NADK: variants seen among roughly 807,000 people sequenced by gnomAD.
NADK encodes NAD kinase, also known as poly(P)/ATP NAD kinase.
In NADK, 22 loss-of-function variants were observed where a neutral mutation model predicts 49.8. That is an observed-to-expected ratio of 0.44 (90% CI 0.32 to 0.63). The LOEUF (loss-of-function observed/expected upper bound fraction) is 0.63. NADK is among the 30% of genes least tolerant of loss of function. NADK has a pLI of 0.06. For synonymous variants in NADK, 268 were observed against 253.7 expected (o/e 1.06, Z -0.54); for missense variants, 438 against 609.4 (o/e 0.72, Z 2.96).
chr1:1,764,679 A>G (rs1645830050), intron 2 of NADK, among the ~76,000 whole-genome samples: 2 of 152,224 alleles, frequency 1.3e-5, no homozygotes, highest in Admixed American at 1.3e-4. Context: ...AGACGGGCAG[A>G]TCACCTGACG....
intron 1 of NADK, among the ~76,000 whole-genome samples, chr1:1,769,766 A>G (rs1258141637): frequency 6.6e-6 from 1 of 151,752 alleles, no homozygotes; most frequent in Non-Finnish European, 1.5e-5. Context: ...AAGACATACC[A>G]GTGTTTTATT....
chr1:1,773,772 G>C (rs1646129473), intron 1 of NADK, among the ~76,000 whole-genome samples: 1 of 151,178 alleles, frequency 6.6e-6, no homozygotes, highest in Admixed American at 6.6e-5. Context: ...CTGAGAGGTA[G>C]GGTCTTGCTC....
intron 1 of NADK, among the ~76,000 whole-genome samples, chr1:1,771,043 A>T (rs1156732244): frequency 1.8e-3 from 39 of 21,194 alleles, no homozygotes; most frequent in African/African-American, 3.3e-3. Flanking sequence ...TTCATCTTAT[A>T]AAAAAAAAAA....
chr1:1,762,161 C>T (rs975267552), intron 2 of NADK, 126 bp from the exon 3 acceptor site: 3 of 772,508 alleles, frequency 3.9e-6, no homozygotes, highest in Non-Finnish European at 6.4e-6. Flanking sequence ...ACTCCATCTG[C>T]CCAGCAGCCA....
At chr1:1,761,672 G>A (rs1042142547) in intron 3 of NADK, 10 of 344,002 alleles carry the variant, frequency 2.9e-5, no homozygotes, top group East Asian at 9.8e-5. Context: ...CTCGCCTGCC[G>A]TCCACTTTCT....
Position 1,771,837 on chromosome 1 carries a change from T to G in NADK, c.-40-6391A>C, listed in dbSNP as rs570521487. 4.2e-3 allele frequency among the ~76,000 whole-genome samples: 645 copies of G among 152,124 alleles called. 5 individuals carry two copies. Among genetic ancestry groups the G allele is most frequent in the African/African-American group, 0.015 (603 of 41,518 alleles). ...TTTTGTCTTTTTGTGAGACAGGATCTCCCACTGTTGCCCAGGCTGGAGTAC... is the reference window on the plus strand; with the variant it reads ...TTTTGTCTTTTTGTGAGACAGGATCGCCCACTGTTGCCCAGGCTGGAGTAC... On this transcript the variant is annotated intron_variant, in intron 1 of 11. Transcript: ENST00000341426.
intron 3 of NADK, among the ~76,000 whole-genome samples, chr1:1,760,623 C>T (rs920204813): frequency 1.3e-5 from 2 of 152,080 alleles, no homozygotes; most frequent in African/African-American, 4.8e-5. Flanking sequence ...TCGGCCCTTC[C>T]GCATGGTCCT....
chr1:1,761,030 T>C (rs769397291), intron 3 of NADK, among the ~76,000 whole-genome samples: 2 of 152,226 alleles, frequency 1.3e-5, no homozygotes, highest in Non-Finnish European at 2.9e-5. Context: ...TCTTGCTCTG[T>C]CGCCCAGGCT....
Position 1,754,777 on chromosome 1 carries a change from G to A in NADK, c.689-79C>T. On this transcript the variant is annotated intron_variant, in intron 7 of 11. Transcript: ENST00000341426. This position sits in a 1 kb window ranked among gnomAD's most constrained non-coding sequence, Gnocchi z 4.3. ...GGGCCCCACCCCAGGGAGGCCAGTGGGAGTCAGAGGGCTCTTTCTTCTCCC... is the reference window on the plus strand; with the variant it reads ...GGGCCCCACCCCAGGGAGGCCAGTGAGAGTCAGAGGGCTCTTTCTTCTCCC... 7.5e-7 allele frequency: 1 copy of A among 1,340,240 alleles called. No homozygotes were observed. The highest frequency in any genetic ancestry group is 1.0e-6 in the Non-Finnish European group (1 of 981,928). 83.0% of individuals were successfully genotyped at this position (1,340,240 alleles called of 1,614,324 possible).
Position 1,753,553 on chromosome 1 carries a change from C to T in NADK, c.1184+14G>A. The T allele has an allele frequency of 6.2e-7, 1 of 1,607,526 alleles. No individual in the cohort carries two copies. The highest frequency in any genetic ancestry group is 8.5e-7 in the Non-Finnish European group (1 of 1,176,248). On this transcript the variant is annotated intron_variant, in intron 11 of 11. Transcript: ENST00000341426. ...GGTTGGCAGGCAGCGCCCAGCCCGG[C>T]ATGCAGCCCACACCTGTCTCCATGG...
chr1:1,778,558 C>G (rs547761353), upstream of NADK: 4 of 151,334 alleles, frequency 2.6e-5, no homozygotes, highest in Non-Finnish European at 5.9e-5. The surrounding 1 kb of genome is among the most constrained non-coding windows in gnomAD (Gnocchi z 4.9). Flanking sequence ...CGGGACACCC[C>G]GCGCGGGCGG....
chr1:1,763,117 T>C (rs1645778253), intron 2 of NADK, among the ~76,000 whole-genome samples: 1 of 152,262 alleles, frequency 6.6e-6, no homozygotes, highest in Non-Finnish European at 1.5e-5. Flanking sequence ...CGTGGTGCCC[T>C]GAGGGCTGCT....
At position 1,755,834 on chromosome 1, in the gene NADK, C is replaced by T. The variant is rs527303049; in HGVS notation, c.586-358G>A. On this transcript the variant is annotated intron_variant, in intron 6 of 11. Transcript: ENST00000341426. ...ATGGGGAGAAAAGCAGGGCGGGCTG[C>T]GGGCATTTCCGGTGTCACCAACATG... Among the ~76,000 whole-genome samples the T allele has an allele frequency of 2.8e-4, 43 of 152,236 alleles. No individual in the cohort carries two copies. In the East Asian group the frequency reaches 5.0e-3, roughly 18 times the overall value.
chr1:1,757,145 T>C (rs1237510234), intron 4 of NADK, 36 bp downstream of exon 4: 1 of 1,534,216 alleles, frequency 6.5e-7, no homozygotes, highest in Admixed American at 2.0e-5. Flanking sequence ...CAACTCCATG[T>C]GCACCCCAGG....
Position 1,755,420 on chromosome 1 carries a change from T to A in NADK, c.642A>T (p.Pro214=). ...GGGACTGAAAGTTCTCAAAGCTGAA[T>A]GGGGTCAGGAAGCCCAGGGAGCCCA... The part of the protein sequence containing the change: ...FHLGSLGFLT[P]FSFENFQSQV... Residue 214 remains proline (P), a synonymous_variant, in exon 7 of 12, where the codon CCA becomes CCT. Coordinates refer to ENST00000341426, the MANE Select transcript of NADK (RefSeq NM_023018.5). 6.2e-7 allele frequency: 1 copy of A among 1,614,050 alleles called. No homozygotes were observed. The highest frequency in any genetic ancestry group is 8.5e-7 in the Non-Finnish European group (1 of 1,180,012).
At chr1:1,757,521 T>C (rs1257209385) in intron 3 of NADK, among the ~76,000 whole-genome samples, 1 of 150,016 alleles carries the variant, frequency 6.7e-6, no homozygotes, top group African/African-American at 2.5e-5. Context: ...ACCTCTCACC[T>C]GCTTGGCCCA....
Position 1,765,273 on chromosome 1 carries a change from C to T in NADK, c.134G>A (p.Arg45His), listed in dbSNP as rs377478067. The stretch of plus-strand genomic sequence containing the variant: ...CAGGGCGGGCGAGGCAGACAGGCTG[C>T]GAGACTTGGCCCGGCCCCGGATGGG... ...NHPIRGRAKS[R>H]SLSASPALGS... Residue 45 changes from arginine (R) to histidine (H), a missense_variant, in exon 2 of 12, where the codon CGC (arginine) becomes CAC (histidine). Transcript: ENST00000341426. 21 of 1,612,770 alleles carry T rather than the reference C, an allele frequency of 1.3e-5. No homozygotes were observed. The highest frequency in any genetic ancestry group is 2.2e-5 in the East Asian group (1 of 44,786).
chr1:1,759,781 T>C (rs1345200913), intron 3 of NADK: 5 of 1,556,656 alleles, frequency 3.2e-6, no homozygotes, highest in Admixed American at 1.9e-5. Flanking sequence ...CGGGGACCAC[T>C]GAGTACGCCC....
intron 7 of NADK, among the ~76,000 whole-genome samples, chr1:1,755,070 C>T (rs1052202267): frequency 3.9e-5 from 6 of 152,182 alleles, no homozygotes; most frequent in Non-Finnish European, 7.4e-5. Context: ...CCGCCCGCCT[C>T]GACCTCCCAC....
Sources: gnomAD v4.1 joint callset for allele counts (sites outside exome capture counted in the v4.1 genomes callset) on GRCh38, gnomAD v4.1.1 for gene constraint, Gnocchi (gnomAD v3.1) non-coding constraint, MANE v1.5 for transcripts, NCBI Gene and HGNC (gene_info 2026-07-23, HGNC 2026-07-21) for gene names.